Variants in EIF4G3 observed in about 807,000 individuals in gnomAD.
EIF4G3 encodes the protein eIF-4-gamma 3.
A neutral mutation model predicts 186.4 loss-of-function variants in EIF4G3; 34 were observed. That is an observed-to-expected ratio of 0.18 (90% CI 0.14 to 0.24). The LOEUF (loss-of-function observed/expected upper bound fraction) is 0.24, where lower values mean the gene tolerates loss of function less well. EIF4G3 is among the 10% of genes least tolerant of loss of function. The pLI is 1.00. For missense variants in EIF4G3, 1,536 were observed against 1,948.5 expected (o/e 0.79, Z 3.99); for synonymous variants, 673 against 679.5 (o/e 0.99, Z 0.15).
At chr1:20,871,569 A>G (rs2079197636) in intron 20 of EIF4G3, among the ~76,000 whole-genome samples, 1 of 152,184 alleles carries the variant, frequency 6.6e-6, no homozygotes, top group South Asian at 2.1e-4. Flanking sequence ...GCTAATAATT[A>G]CCTTAAGGGA....
At chr1:21,025,384 G>A (rs542079409) in intron 4 of EIF4G3, among the ~76,000 whole-genome samples, 1 of 152,114 alleles carries the variant, frequency 6.6e-6, no homozygotes, top group Non-Finnish European at 1.5e-5. Context: ...ATCAAACAGG[G>A]ATCTATTCCG....
intron 34 of EIF4G3, among the ~76,000 whole-genome samples, chr1:20,813,824 C>A (rs1463805800): frequency 6.6e-6 from 1 of 151,050 alleles, no homozygotes; most frequent in Non-Finnish European, 1.5e-5. Flanking sequence ...CCAGACTGGG[C>A]GACAAGTGCA....
chr1:21,026,936 CAAAA>C (rs146144076), intron 4 of EIF4G3, among the ~76,000 whole-genome samples: 1 of 88,236 alleles, frequency 1.1e-5, no homozygotes. Flanking sequence ...GACACTGTCT[CAAAA>C]AAAAAAAAAA....
intron 4 of EIF4G3, among the ~76,000 whole-genome samples, chr1:21,005,032 G>A (rs74058805): frequency 0.09 from 13,688 of 151,966 alleles, 864 homozygotes; most frequent in East Asian, 0.26. Flanking sequence ...GGTCAAACAG[G>A]ATCTAAAAAT....
At chr1:20,922,711 T>A (rs1207224902) in intron 14 of EIF4G3, among the ~76,000 whole-genome samples, 1 of 152,208 alleles carries the variant, frequency 6.6e-6, no homozygotes, top group Non-Finnish European at 1.5e-5. Flanking sequence ...GCTCTACAGT[T>A]TCAACATTTT....
At chr1:21,015,769 A>AC (rs1164293192) in intron 4 of EIF4G3, among the ~76,000 whole-genome samples, 4 of 151,418 alleles carry the variant, frequency 2.6e-5, no homozygotes, top group Non-Finnish European at 5.9e-5. Flanking sequence ...AAAAAAAAAA[A>AC]AAACCCTATC....
intron 20 of EIF4G3, among the ~76,000 whole-genome samples, chr1:20,869,306 A>ATTTT (rs954573350): frequency 4.9e-4 from 48 of 97,378 alleles, no homozygotes; most frequent in East Asian, 8.9e-4. Context: ...TTACTTTAAA[A>ATTTT]TTTTTTTTTT....
chr1:21,045,795 TA>T (rs1187693971), intron 4 of EIF4G3, among the ~76,000 whole-genome samples: 236 of 145,774 alleles, frequency 1.6e-3, no homozygotes, highest in African/African-American at 4.7e-3. Flanking sequence ...AAACTTCTCT[TA>T]AAAAAAAAAA....
At chr1:21,063,855 G>A (rs987279145) in intron 3 of EIF4G3, among the ~76,000 whole-genome samples, 8 of 149,956 alleles carry the variant, frequency 5.3e-5, no homozygotes, top group East Asian at 3.9e-4. Flanking sequence ...GATTACAGGC[G>A]CATGCCATCA....
At chr1:20,848,978 C>T (rs370818197) in intron 29 of EIF4G3, among the ~76,000 whole-genome samples, 3 of 125,384 alleles carry the variant, frequency 2.4e-5, no homozygotes, top group East Asian at 2.7e-4. Context: ...ACTTGGGAGG[C>T]GGAGGTTGCA....
chr1:21,089,203 C>G lies in EIF4G3; in HGVS notation c.-261G>C, dbSNP rs768975773. ...TCCTCAAGAGGTTGTTGCACAGGTC[C>G]TCTAGGAATTCTAGAAGAGCGAGTT... is the stretch of plus-strand genomic sequence containing the variant. On this transcript the variant is annotated 5_prime_UTR_variant, in exon 3 of 37. Coordinates refer to ENST00000602326, the MANE Select transcript of EIF4G3 (RefSeq NM_001391906.1). 2 of 717,216 alleles carry G rather than the reference C, an allele frequency of 2.8e-6. No individual in the cohort carries two copies. The highest frequency in any genetic ancestry group is 4.0e-5 in the Admixed American group (2 of 49,980). 44.4% of individuals were successfully genotyped at this position (717,216 alleles called of 1,614,324 possible). A position where few individuals can be genotyped will look rare whatever the true frequency, so the allele number is the denominator to read the frequency against.
intron 4 of EIF4G3, among the ~76,000 whole-genome samples, chr1:21,026,201 A>T (rs575996317): frequency 1.3e-5 from 2 of 152,350 alleles, no homozygotes; most frequent in African/African-American, 4.8e-5. Context: ...ATAAACCAAA[A>T]GTAATTAGAA....
chr1:21,038,921 A>G (rs953299084), intron 4 of EIF4G3, among the ~76,000 whole-genome samples: 8 of 152,196 alleles, frequency 5.3e-5, no homozygotes, highest in African/African-American at 1.9e-4. Flanking sequence ...AATCCCAAAA[A>G]CAAATTTTGG....
intron 32 of EIF4G3, among the ~76,000 whole-genome samples, chr1:20,825,749 T>C (rs1230110167): frequency 2.0e-5 from 3 of 152,210 alleles, no homozygotes; most frequent in Non-Finnish European, 4.4e-5. Context: ...AGAATCCCTC[T>C]TCATAATAGA....
chr1:20,958,045 T>A (rs747811101), intron 12 of EIF4G3, among the ~76,000 whole-genome samples: 3 of 151,890 alleles, frequency 2.0e-5, no homozygotes, highest in Non-Finnish European at 4.4e-5. Flanking sequence ...CCTAAATCAT[T>A]CTATGAAGCC....
At chr1:20,982,441 C>T (rs1268392987) in intron 7 of EIF4G3, 33 bp from the exon 8 acceptor site, 2 of 1,518,858 alleles carry the variant, frequency 1.3e-6, no homozygotes, top group Admixed American at 2.1e-5. Context: ...CAGCAGGAAA[C>T]AGAAAGAAAG....
chr1:20,923,110 C>T (rs11805006), intron 14 of EIF4G3, among the ~76,000 whole-genome samples: 61,025 of 151,946 alleles, frequency 0.4, 12,742 homozygotes, highest in Non-Finnish European at 0.45. Flanking sequence ...CTCAATACCC[C>T]ACCTCTCAAG....
Position 20,851,305 on chromosome 1 carries a change from A to C in EIF4G3, c.3725T>G (p.Val1242Gly). 1 of 1,614,072 alleles carries C rather than the reference A, an allele frequency of 6.2e-7. No individual in the cohort carries two copies. The highest frequency in any genetic ancestry group is 8.5e-7 in the Non-Finnish European group (1 of 1,180,020). The change falls in exon 28 of 37, where the codon GTG becomes GGG. Residue 1242 changes from valine (V) to glycine (G), a missense_variant. Around this residue, in one of 11 missense-constraint regions of EIF4G3, gnomAD observed 395 missense variants for 498.9 expected, o/e 0.79. Transcript: ENST00000602326. ...TVKQLTGGVD[V>G]ERNSTEAERN... is the part of the protein sequence containing the mutation. ...CTCAGCCTCAGTGCTGTTCCTCTCC[A>C]CATCCACACCTCCTGTGAGCTGCTT... is the stretch of plus-strand genomic sequence containing the variant.
chr1:20,882,175 T>TCACA (rs2082544912), intron 19 of EIF4G3, among the ~76,000 whole-genome samples: 2 of 59,958 alleles, frequency 3.3e-5, no homozygotes, highest in South Asian at 1.5e-3. Context: ...AAAAGAAAAA[T>TCACA]TACACACACA....
Sources: gnomAD v4.1 joint callset for allele counts (sites outside exome capture counted in the v4.1 genomes callset) on GRCh38, gnomAD v4.1.1 for gene constraint, gnomAD v4.1.1 regional missense constraint, MANE v1.5 for transcripts, NCBI Gene and HGNC (gene_info 2026-07-23, HGNC 2026-07-21) for gene names.